Variants in DSG2 observed in about 807,000 individuals in gnomAD.
DSG2 encodes desmoglein-2.
A neutral mutation model predicts 75.6 loss-of-function variants in DSG2; 45 were observed. The ratio of observed to expected loss-of-function variants is 0.60; its 90% CI spans 0.47 to 0.76. The LOEUF (loss-of-function observed/expected upper bound fraction) is 0.76. DSG2 is among the 30% of genes least tolerant of loss of function. The pLI, the probability that DSG2 is intolerant of heterozygous loss-of-function variation, is 0.00. For synonymous variants in DSG2, 429 were observed against 483.9 expected (o/e 0.89, Z 1.49); for missense variants, 1,267 against 1,357.4 (o/e 0.93, Z 1.05).
chr18:31,539,546 G>C (rs1567931960), intron 12 of DSG2, among the ~76,000 whole-genome samples: 2 of 152,134 alleles, frequency 1.3e-5, no homozygotes, highest in Non-Finnish European at 2.9e-5. Flanking sequence ...TTCTCAACCA[G>C]TCCTGCCTGC....
At position 31,521,733 on chromosome 18, in the gene DSG2, GT is replaced by G. The variant is rs1397199271; in HGVS notation, c.524-348del. ...CTTTTTGACCATGATGTAAGGAATA[GT>G]TACGCTTCTCCTGATTTGTTTGTAT... On this transcript the variant is annotated intron_variant, in intron 5 of 14. Coordinates refer to ENST00000261590, the MANE Select transcript of DSG2 (RefSeq NM_001943.5). Among the ~76,000 whole-genome samples the G allele has an allele frequency of 4.6e-5, 7 of 152,278 alleles. No individual in the cohort carries two copies. The South Asian group carries it at 1.2e-3, about 27-fold the overall frequency.
At chr18:31,505,174 A>G (rs563681052) in intron 1 of DSG2, among the ~76,000 whole-genome samples, 71 of 152,314 alleles carry the variant, frequency 4.7e-4, no homozygotes, top group Non-Finnish European at 2.1e-4. Context: ...ACCATCGTAT[A>G]GTTCTAGGTG....
In DSG2 at chr18:31,498,488, C is replaced by T. The variant is rs183503413; in HGVS notation, c.45+192C>T. Reference sequence around the variant, plus strand: ...CCGACCTGGGGCTTCGGAAAATCCTCTTGGCTGGAGCCAGGAGAGTAAGTT... The same window carrying T: ...CCGACCTGGGGCTTCGGAAAATCCTTTTGGCTGGAGCCAGGAGAGTAAGTT... On this transcript the variant is annotated intron_variant, in intron 1 of 14. Transcript: ENST00000261590. Among the ~76,000 whole-genome samples, 4 of 152,302 alleles carry T rather than the reference C, an allele frequency of 2.6e-5. No homozygotes were observed. The East Asian group carries it at 5.8e-4, about 22-fold the overall frequency.
chr18:31,537,885 C>T (rs1182401411), intron 11 of DSG2, among the ~76,000 whole-genome samples: 1 of 151,828 alleles, frequency 6.6e-6, no homozygotes, highest in African/African-American at 2.4e-5. Flanking sequence ...CACCTGTAAT[C>T]CCAGCTACTC....
chr18:31,541,330 G>A lies in DSG2; in HGVS notation c.2001+16G>A, dbSNP rs777322347. The A allele has an allele frequency of 2.5e-6, 4 of 1,613,806 alleles. No individual in the cohort carries two copies. In the South Asian group the frequency reaches 4.4e-5, roughly 18 times the overall value. ...TGAAGACAAGGTCAGTGGATCAGAT[G>A]TCAATATGACTTGTCTTCTTCTTGG... is the stretch of plus-strand genomic sequence containing the variant. On this transcript the variant is annotated intron_variant, in intron 13 of 14. Coordinates refer to ENST00000261590, the MANE Select transcript of DSG2 (RefSeq NM_001943.5).
chr18:31,517,605 A>G (rs1598808758), intron 1 of DSG2, among the ~76,000 whole-genome samples: 1 of 152,216 alleles, frequency 6.6e-6, no homozygotes, highest in East Asian at 1.9e-4. Flanking sequence ...TTTACAGTGC[A>G]AAATATTCAG....
At chr18:31,501,243 C>T (rs1434366753) in intron 1 of DSG2, among the ~76,000 whole-genome samples, 1 of 152,120 alleles carries the variant, frequency 6.6e-6, no homozygotes, top group Non-Finnish European at 1.5e-5. Flanking sequence ...ATAGGCCTCG[C>T]CAGATTGCCA....
At chr18:31,514,751 G>C (rs1428407413) in intron 1 of DSG2, among the ~76,000 whole-genome samples, 1 of 152,162 alleles carries the variant, frequency 6.6e-6, no homozygotes, top group Non-Finnish European at 1.5e-5. Context: ...ACACATTAAA[G>C]TTTAAGAAGC....
At position 31,511,557 on chromosome 18, in the gene DSG2, T is replaced by C. The variant is rs117244941; in HGVS notation, c.46-6682T>C. 5.4e-3 allele frequency among the ~76,000 whole-genome samples: 828 copies of C among 152,334 alleles called. 3 individuals carry two copies. The highest frequency in any genetic ancestry group is 0.023 in the South Asian group (111 of 4,830). On this transcript the variant is annotated intron_variant, in intron 1 of 14. Coordinates refer to ENST00000261590, the MANE Select transcript of DSG2 (RefSeq NM_001943.5). ...ACAGACAGTTCCACAATTGACAAAA[T>C]GTTAGTGCAGTTCTTTTTTCTTTTT...
intron 1 of DSG2, among the ~76,000 whole-genome samples, chr18:31,515,399 C>G (rs1404833714): frequency 6.6e-6 from 1 of 152,098 alleles, no homozygotes; most frequent in Admixed American, 6.5e-5. Flanking sequence ...GCCACTGTAC[C>G]CGGCCTAAAT....
chr18:31,501,647 T>C (rs1366269858), intron 1 of DSG2, among the ~76,000 whole-genome samples: 1 of 152,234 alleles, frequency 6.6e-6, no homozygotes, highest in East Asian at 1.9e-4. Flanking sequence ...GCATTCTCTC[T>C]TTTGTCTCTT....
Position 31,538,847 on chromosome 18 carries a change from A to G in DSG2, c.1748A>G (p.Lys583Arg), listed in dbSNP as rs1314878959. Residue 583 changes from lysine (K) to arginine (R), a missense_variant, in exon 12 of 15, where the codon AAG becomes AGG. Physicochemically the swap from Lys to Arg is conservative, Grantham distance 26. Transcript: ENST00000261590. ...AATCAGGGTTTTAGTTGTCCTGAAA[A>G]GCAGGTCCTTACACTCACAGTTTGT... ...SDNQGFSCPE[K>R]QVLTLTVCEC... The G allele has an allele frequency of 6.2e-7, 1 of 1,614,218 alleles. No homozygotes were observed. The highest frequency in any genetic ancestry group is 8.5e-7 in the Non-Finnish European group (1 of 1,180,036).
At chr18:31,524,288 G>A (rs946538699) in intron 6 of DSG2, among the ~76,000 whole-genome samples, 160 bp from the exon 7 acceptor site, 1 of 152,146 alleles carries the variant, frequency 6.6e-6, no homozygotes, top group Non-Finnish European at 1.5e-5. Context: ...CAAAAGCTCT[G>A]ACTGCAAGTA....
intron 13 of DSG2, chr18:31,542,301 T>A (rs1598823690): frequency 3.3e-6 from 2 of 603,826 alleles, no homozygotes; most frequent in African/African-American, 3.7e-5. Flanking sequence ...GGGCTTTGTT[T>A]TCTCTTTGGG....
At chr18:31,510,964 C>G (rs1249490012) in intron 1 of DSG2, among the ~76,000 whole-genome samples, 1 of 152,218 alleles carries the variant, frequency 6.6e-6, no homozygotes, top group African/African-American at 2.4e-5. Context: ...AGCATCCCCA[C>G]AGGAGGTGAC....
chr18:31,525,794 G>T (rs2073159553), intron 8 of DSG2, among the ~76,000 whole-genome samples: 1 of 152,150 alleles, frequency 6.6e-6, no homozygotes, highest in Admixed American at 6.5e-5. Context: ...GCTTAATTGA[G>T]TCAATGGAGG....
chr18:31,536,670 T>A (rs2073232829), intron 11 of DSG2, among the ~76,000 whole-genome samples: 1 of 152,180 alleles, frequency 6.6e-6, no homozygotes, highest in African/African-American at 2.4e-5. Flanking sequence ...TGAAGTAGTT[T>A]TGTCTGGTAA....
intron 1 of DSG2, among the ~76,000 whole-genome samples, chr18:31,514,110 G>C (rs1417924521): frequency 6.6e-6 from 1 of 152,162 alleles, no homozygotes; most frequent in Non-Finnish European, 1.5e-5. Flanking sequence ...ATTAGTGGGG[G>C]AAATGGTAAA....
At chr18:31,537,877 C>T (rs2073240931) in intron 11 of DSG2, among the ~76,000 whole-genome samples, 1 of 151,808 alleles carries the variant, frequency 6.6e-6, no homozygotes, top group African/African-American at 2.4e-5. Flanking sequence ...GTGGTGGGCA[C>T]CTGTAATCCC....
Sources: allele counts gnomAD v4.1 joint callset (sites outside exome capture counted in the v4.1 genomes callset), GRCh38; gene constraint gnomAD v4.1.1; transcripts MANE v1.5; gene names NCBI Gene and HGNC (gene_info 2026-07-23, HGNC 2026-07-21).